Variants in ATRNL1 observed in about 807,000 individuals in gnomAD.
ATRNL1 encodes attractin-like protein 1.
A neutral mutation model predicts 182.7 loss-of-function variants in ATRNL1; 95 were observed. The ratio of observed to expected loss-of-function variants is 0.52; its 90% CI spans 0.44 to 0.62. ATRNL1 has a LOEUF of 0.62. Among genes scored for constraint, ATRNL1 ranks in the 20% least tolerant of loss-of-function variants. The probability of loss-of-function intolerance (pLI) is 0.00; values close to 1 mark genes in which losing one functional copy is unlikely to be tolerated. For synonymous variants in ATRNL1, 576 were observed against 568.3 expected (o/e 1.01, Z -0.19); for missense variants, 1,471 against 1,679.5 (o/e 0.88, Z 2.17).
rs1166208739 is a variant in ATRNL1, at chr10:115,946,756, GA to G, written c.*1983del. 6.6e-6 allele frequency: 1 copy of G among 151,916 alleles called. No individual in the cohort carries two copies. Among genetic ancestry groups the G allele is most frequent in the Non-Finnish European group, 1.5e-5 (1 of 67,964 alleles). The allele number at this position is 151,916 out of a possible 1,614,324, so 9.4% of individuals were successfully genotyped here. A position where few individuals can be genotyped will look rare whatever the true frequency, so the allele number is the denominator to read the frequency against. ...CCCTCTAAATATTGACTTCTCTCAT[GA>G]AAAAATAAATTGATGAAACTAATGA... On this transcript the variant is annotated 3_prime_UTR_variant, in exon 29 of 29. Coordinates refer to ENST00000355044, the MANE Select transcript of ATRNL1 (RefSeq NM_207303.4).
intron 26 of ATRNL1, among the ~76,000 whole-genome samples, chr10:115,690,951 A>T (rs1236239866): frequency 1.3e-5 from 2 of 152,034 alleles, no homozygotes; most frequent in Non-Finnish European, 2.9e-5. Flanking sequence ...TACCTACAAT[A>T]CCAAGCCCCT....
chr10:115,371,562 G>C (rs2134198365), intron 19 of ATRNL1, among the ~76,000 whole-genome samples: 1 of 152,318 alleles, frequency 6.6e-6, no homozygotes. Context: ...CATGGGGCCT[G>C]TAGCCCCTTT....
At chr10:115,833,527 T>C (rs1950603452) in intron 27 of ATRNL1, among the ~76,000 whole-genome samples, 1 of 152,206 alleles carries the variant, frequency 6.6e-6, no homozygotes, top group Non-Finnish European at 1.5e-5. Context: ...GTGTATGCTA[T>C]GTTAAACAGA....
intron 26 of ATRNL1, among the ~76,000 whole-genome samples, chr10:115,678,589 T>A (rs1235577102): frequency 6.6e-6 from 1 of 152,094 alleles, no homozygotes; most frequent in Non-Finnish European, 1.5e-5. Flanking sequence ...ATATCTATAA[T>A]CATTCTTATG....
chr10:115,914,448 C>T (rs1036450135), intron 28 of ATRNL1, among the ~76,000 whole-genome samples: 21 of 152,236 alleles, frequency 1.4e-4, no homozygotes, highest in Admixed American at 2.6e-4. Context: ...ATGGAATAGG[C>T]CACCAATTGA....
intron 26 of ATRNL1, among the ~76,000 whole-genome samples, chr10:115,621,091 C>T (rs1555022617): frequency 1.3e-5 from 2 of 151,478 alleles, no homozygotes; most frequent in Non-Finnish European, 2.9e-5. Flanking sequence ...ACTACAAAGA[C>T]TGTTGAAGCA....
intron 8 of ATRNL1, among the ~76,000 whole-genome samples, chr10:115,199,569 A>C (rs1554891829): frequency 6.6e-6 from 1 of 152,152 alleles, no homozygotes; most frequent in African/African-American, 2.4e-5. Context: ...TCTAAAAAAA[A>C]AAATTCAATA....
At chr10:115,607,475 A>G (rs1352928713) in intron 26 of ATRNL1, among the ~76,000 whole-genome samples, 1 of 151,796 alleles carries the variant, frequency 6.6e-6, no homozygotes, top group Non-Finnish European at 1.5e-5. Context: ...AAAGTTTACA[A>G]CTTTAAATTG....
intron 25 of ATRNL1, among the ~76,000 whole-genome samples, chr10:115,520,439 CT>C (rs1236546697): frequency 6.6e-6 from 1 of 152,174 alleles, no homozygotes; most frequent in Admixed American, 6.5e-5. Flanking sequence ...TGCAACTTTT[CT>C]GCTATAGTGT....
chr10:115,377,459 A>G (rs1857738707), intron 19 of ATRNL1, among the ~76,000 whole-genome samples: 1 of 152,160 alleles, frequency 6.6e-6, no homozygotes, highest in Non-Finnish European at 1.5e-5. Context: ...GCAGTGTGAA[A>G]ATGGACTAAT....
intron 26 of ATRNL1, among the ~76,000 whole-genome samples, chr10:115,719,126 T>C (rs77353892): frequency 0.022 from 3,351 of 152,326 alleles, 113 homozygotes; most frequent in African/African-American, 0.076. Context: ...AAATTTTTCC[T>C]AGAATTTTAG....
chr10:115,367,007 T>C, intron 19 of ATRNL1, among the ~76,000 whole-genome samples: 1 of 135,028 alleles, frequency 7.4e-6, no homozygotes, highest in Non-Finnish European at 1.6e-5. Flanking sequence ...TTGGAGTTGC[T>C]CTTCTCGAGG....
At chr10:115,471,009 T>G (rs1199200034) in intron 24 of ATRNL1, among the ~76,000 whole-genome samples, 2 of 150,702 alleles carry the variant, frequency 1.3e-5, no homozygotes, top group South Asian at 4.1e-4. Flanking sequence ...GTTCATAAGT[T>G]TTTTAGATTC....
At chr10:115,940,315 T>C (rs782555009) in intron 28 of ATRNL1, among the ~76,000 whole-genome samples, 19 of 152,188 alleles carry the variant, frequency 1.2e-4, no homozygotes, top group Non-Finnish European at 2.5e-4. Flanking sequence ...TCCTGGCCAT[T>C]TGGGGCCAGT....
intron 10 of ATRNL1, among the ~76,000 whole-genome samples, chr10:115,263,925 A>G (rs1209605375): frequency 6.6e-6 from 1 of 151,680 alleles, no homozygotes; most frequent in African/African-American, 2.4e-5. Context: ...GTACCTTTAC[A>G]CTCTCTCTTT....
chr10:115,149,876 C>CTTT (rs57382865), intron 5 of ATRNL1, among the ~76,000 whole-genome samples: 1 of 123,282 alleles, frequency 8.1e-6, no homozygotes, highest in African/African-American at 2.9e-5. Flanking sequence ...TCTCCTTTTC[C>CTTT]TTTTTTTTTT....
intron 19 of ATRNL1, among the ~76,000 whole-genome samples, chr10:115,383,725 C>T (rs910423987): frequency 6.6e-6 from 1 of 151,280 alleles, no homozygotes; most frequent in Non-Finnish European, 1.5e-5. Flanking sequence ...AGGCACCTAT[C>T]ACAAAATGTC....
chr10:115,326,624 A>G (rs1554933303), intron 18 of ATRNL1, among the ~76,000 whole-genome samples: 1 of 151,970 alleles, frequency 6.6e-6, no homozygotes, highest in African/African-American at 2.4e-5. Context: ...CCACATCGCC[A>G]AGTCAATCCT....
intron 27 of ATRNL1, among the ~76,000 whole-genome samples, chr10:115,844,924 CA>C (rs1204436763): frequency 1.3e-5 from 2 of 152,028 alleles, no homozygotes; most frequent in African/African-American, 4.8e-5. Flanking sequence ...AAACAACTGC[CA>C]AACCCCAGGG....
Sources: allele counts gnomAD v4.1 joint callset (sites outside exome capture counted in the v4.1 genomes callset), GRCh38; gene constraint gnomAD v4.1.1; transcripts MANE v1.5; gene names NCBI Gene and HGNC (gene_info 2026-07-23, HGNC 2026-07-21).